Variants in ADAMTSL1 observed in about 807,000 individuals in gnomAD.
ADAMTSL1 encodes ADAMTS like 1.
In ADAMTSL1, 126 loss-of-function variants were observed where a neutral mutation model predicts 201.8. That is an observed-to-expected ratio of 0.62 (90% CI 0.54 to 0.72). ADAMTSL1 has a LOEUF of 0.72. Ranked by LOEUF, ADAMTSL1 falls within the 30% of genes least tolerant of loss-of-function variation. The pLI is 0.00. For missense variants in ADAMTSL1, 2,679 were observed against 2,277.8 expected (o/e 1.18, Z -3.59); for synonymous variants, 1,121 against 903.4 (o/e 1.24, Z -4.32).
intron 2 of ADAMTSL1, among the ~76,000 whole-genome samples, chr9:18,427,252 G>C (rs1321439269): frequency 6.6e-6 from 1 of 152,194 alleles, no homozygotes; most frequent in Non-Finnish European, 1.5e-5. Context: ...AAAGATCCCA[G>C]TTTAGATTTG....
chr9:18,803,937 C>G (rs149625713), intron 20 of ADAMTSL1, among the ~76,000 whole-genome samples: 1 of 152,002 alleles, frequency 6.6e-6, no homozygotes, highest in African/African-American at 2.4e-5. Context: ...GGAAGGGGAA[C>G]AATTATTTTT....
chr9:18,091,141 A>G (rs766401701), intron 1 of ADAMTSL1, among the ~76,000 whole-genome samples: 5 of 151,940 alleles, frequency 3.3e-5, no homozygotes, highest in Admixed American at 3.3e-4. Context: ...ATTGGTAGTC[A>G]ACCATTAGCC....
chr9:18,303,203 G>A (rs1159246220), intron 2 of ADAMTSL1, among the ~76,000 whole-genome samples: 1 of 152,192 alleles, frequency 6.6e-6, no homozygotes, highest in Non-Finnish European at 1.5e-5. Flanking sequence ...CTCAAGGAGT[G>A]TTCATGTACA....
intron 23 of ADAMTSL1, among the ~76,000 whole-genome samples, chr9:18,886,706 C>A (rs1828922987): frequency 6.6e-6 from 1 of 152,170 alleles, no homozygotes; most frequent in Non-Finnish European, 1.5e-5. Flanking sequence ...ACACTAATCT[C>A]ATTCGTGAGG....
intron 13 of ADAMTSL1, among the ~76,000 whole-genome samples, chr9:18,694,148 G>A (rs567137944): frequency 6.6e-6 from 1 of 152,208 alleles, no homozygotes; most frequent in African/African-American, 2.4e-5. Context: ...AACAGCAAGG[G>A]AGAAATCTGT....
rs747864519 is a variant in ADAMTSL1 at position 18,091,663 on chromosome 9, GTT to G, written c.88-72196_88-72195del. Among the ~76,000 whole-genome samples, 54 of 152,206 alleles carry G rather than the reference GTT, an allele frequency of 3.5e-4. 2 individuals carry two copies. Among genetic ancestry groups the G allele is most frequent in the Admixed American group, 2.0e-3 (30 of 15,268 alleles). The stretch of plus-strand genomic sequence containing the variant: ...GTCACTTAATTTTTTTGGATTATTA[GTT>G]TTCTCACATGAAAATGAGGATAGCC... On this transcript the variant is annotated intron_variant, in intron 1 of 29. Transcript: ENST00000680146.
intron 5 of ADAMTSL1, among the ~76,000 whole-genome samples, chr9:18,630,856 G>C (rs953841911): frequency 6.6e-6 from 1 of 152,120 alleles, no homozygotes. Context: ...CGACAATGCA[G>C]TTAAGCACCT....
chr9:18,057,016 C>T lies in ADAMTSL1; in HGVS notation c.88-106846C>T, dbSNP rs1411243. Reference sequence around the variant, plus strand: ...TTATCCTTTTAATTAACCAGGAATTCCTCCCTGCAAAATAGCTTTAAGGGG... The same window carrying T: ...TTATCCTTTTAATTAACCAGGAATTTCTCCCTGCAAAATAGCTTTAAGGGG... On this transcript the variant is annotated intron_variant, in intron 1 of 29. Coordinates refer to the ADAMTSL1 transcript ENST00000680146. 1.5e-3 allele frequency among the ~76,000 whole-genome samples: 236 copies of T among 152,306 alleles called. 7 individuals carry two copies. In the South Asian group the frequency reaches 0.048, roughly 31 times the overall value.
At chr9:18,022,228 C>T (rs1293279220) in intron 1 of ADAMTSL1, among the ~76,000 whole-genome samples, 1 of 152,104 alleles carries the variant, frequency 6.6e-6, no homozygotes, top group Non-Finnish European at 1.5e-5. Context: ...AATCTGAAAT[C>T]GAATTTGAGC....
At chr9:18,307,366 G>T (rs531436594) in intron 2 of ADAMTSL1, among the ~76,000 whole-genome samples, 3 of 152,086 alleles carry the variant, frequency 2.0e-5, no homozygotes, top group Admixed American at 1.3e-4. Context: ...CCATGTAAAT[G>T]GGTTAAATGC....
intron 2 of ADAMTSL1, among the ~76,000 whole-genome samples, chr9:18,406,296 TTTCTTTTCTTTTC>T (rs1234909339): frequency 2.2e-5 from 2 of 88,952 alleles, no homozygotes; most frequent in African/African-American, 1.2e-4. Context: ...AGTTTTTTCT[TTTCTTTTCTTTTC>T]TTTTCTTTTC....
At chr9:18,663,852 C>G (rs1330288265) in intron 9 of ADAMTSL1, among the ~76,000 whole-genome samples, 1 of 152,138 alleles carries the variant, frequency 6.6e-6, no homozygotes, top group East Asian at 1.9e-4. Flanking sequence ...TTTACCCACT[C>G]TTGTCTGTTG....
At chr9:18,015,735 C>T (rs1272039456) in intron 1 of ADAMTSL1, among the ~76,000 whole-genome samples, 1 of 151,980 alleles carries the variant, frequency 6.6e-6, no homozygotes, top group Non-Finnish European at 1.5e-5. Flanking sequence ...AAGACCAGGG[C>T]TTCTCATCCT....
chr9:18,433,266 G>T (rs1221120165), intron 2 of ADAMTSL1, among the ~76,000 whole-genome samples: 1 of 151,990 alleles, frequency 6.6e-6, no homozygotes, highest in Admixed American at 6.6e-5. Context: ...TCTTAATATA[G>T]ATTCTATTGG....
intron 2 of ADAMTSL1, among the ~76,000 whole-genome samples, chr9:18,272,405 C>G (rs1311046040): frequency 1.3e-5 from 2 of 152,260 alleles, no homozygotes; most frequent in East Asian, 3.9e-4. Context: ...GCTAGCTATA[C>G]GTAGAAAGCT....
In ADAMTSL1 at chr9:18,375,456, A is replaced by AT. The variant is rs199854893; in HGVS notation, c.208-129365dup. ...ATATAGAAGTATGTAAAGGTACATC[A>AT]TTTTTTTTGTCTGATTTGTGCTGAC... On this transcript the variant is annotated intron_variant, in intron 2 of 29. Coordinates refer to the ADAMTSL1 transcript ENST00000680146. Among the ~76,000 whole-genome samples, 969 of 152,110 alleles carry AT rather than the reference A, an allele frequency of 6.4e-3. 13 individuals carry two copies. The highest frequency in any genetic ancestry group is 0.023 in the African/African-American group (935 of 41,496).
intron 1 of ADAMTSL1, among the ~76,000 whole-genome samples, chr9:17,940,511 A>G (rs557182716): frequency 6.6e-6 from 1 of 151,976 alleles, no homozygotes; most frequent in Non-Finnish European, 1.5e-5. Context: ...AGAAAAACCA[A>G]TTTAGGGTGG....
At chr9:18,730,723 G>A (rs1017711591) in intron 15 of ADAMTSL1, among the ~76,000 whole-genome samples, 19 of 152,318 alleles carry the variant, frequency 1.2e-4, no homozygotes, top group Non-Finnish European at 2.5e-4. Context: ...ACCTTCTCAT[G>A]AGGCTTCAAT....
intron 16 of ADAMTSL1, among the ~76,000 whole-genome samples, chr9:18,764,064 G>A (rs1327731535): frequency 6.6e-6 from 1 of 152,108 alleles, no homozygotes; most frequent in Non-Finnish European, 1.5e-5. Flanking sequence ...GGATTGCACT[G>A]AATCTGTAGA....
Sources: gnomAD v4.1 joint callset for allele counts (sites outside exome capture counted in the v4.1 genomes callset) on GRCh38, gnomAD v4.1.1 for gene constraint, MANE v1.5 for transcripts, NCBI Gene and HGNC (gene_info 2026-07-23, HGNC 2026-07-21) for gene names.